UNC13C: variants seen among roughly 807,000 people sequenced by gnomAD.
UNC13C encodes the protein unc-13 homolog C, also known as protein unc-13 homolog C.
A neutral mutation model predicts 245.4 loss-of-function variants in UNC13C; 174 were observed. That is an observed-to-expected ratio of 0.71 (90% CI 0.63 to 0.80). The LOEUF (loss-of-function observed/expected upper bound fraction) is 0.80, where lower values mean the gene tolerates loss of function less well. UNC13C is among the 30% of genes least tolerant of loss of function. The pLI is 0.00. For synonymous variants in UNC13C, 992 were observed against 895.1 expected (o/e 1.11, Z -1.93); for missense variants, 2,829 against 2,602.9 (o/e 1.09, Z -1.89).
intron 30 of UNC13C, among the ~76,000 whole-genome samples, chr15:54,597,326 G>A (rs571107884): frequency 1.0e-3 from 156 of 152,272 alleles, no homozygotes; most frequent in African/African-American, 3.2e-3. Flanking sequence ...CAATAGCAGC[G>A]TGCCAGCGAA....
At chr15:54,620,976 T>C (rs10518774) in intron 30 of UNC13C, among the ~76,000 whole-genome samples, 74,527 of 151,816 alleles carry the variant, frequency 0.49, 18,492 homozygotes, top group East Asian at 0.62. Context: ...GGGGTCATTG[T>C]CTATTTCGTT....
In UNC13C at chr15:54,393,956, G is replaced by A. The variant is rs79398471; in HGVS notation, c.4847+775G>A. On this transcript the variant is annotated intron_variant, in intron 18 of 32. Transcript: ENST00000260323. ...TCAGACTTCCAGCTAGGCACTTGCA[G>A]TCTGGTTAATGAAGAGGATTGTCTT... Among the ~76,000 whole-genome samples, 647 of 152,014 alleles carry A rather than the reference G, an allele frequency of 4.3e-3. 30 individuals carry two copies. The East Asian group carries it at 0.09, about 21-fold the overall frequency.
At chr15:54,134,168 T>G (rs2031597591) in intron 2 of UNC13C, among the ~76,000 whole-genome samples, 1 of 151,948 alleles carries the variant, frequency 6.6e-6, no homozygotes, top group African/African-American at 2.4e-5. Flanking sequence ...ATCCCCAGAA[T>G]TTATTCATCT....
chr15:54,049,174 T>A lies in UNC13C; in HGVS notation c.2983+33288T>A, dbSNP rs1025767501. On this transcript the variant is annotated intron_variant, in intron 2 of 32. Transcript: ENST00000260323. ...TTTCCATCATCTAATAGTTTTCCAGTTGATACCTTGAAGAAAAAGATTATT... is the reference window on the plus strand; with the variant it reads ...TTTCCATCATCTAATAGTTTTCCAGATGATACCTTGAAGAAAAAGATTATT... 6.8e-6 allele frequency: 3 copies of A among 439,378 alleles called. No homozygotes were observed. The East Asian group carries it at 1.7e-4, about 26-fold the overall frequency. The allele number at this position is 439,378 out of a possible 1,614,324, so 27.2% of individuals were successfully genotyped here.
intron 2 of UNC13C, among the ~76,000 whole-genome samples, chr15:54,141,012 G>A (rs1390661300): frequency 6.6e-6 from 1 of 152,114 alleles, no homozygotes; most frequent in Non-Finnish European, 1.5e-5. Context: ...AGTAATTGAT[G>A]ACCTTGTTAA....
chr15:53,982,468 C>G (rs1217661870), intron 1 of UNC13C, among the ~76,000 whole-genome samples: 3 of 152,040 alleles, frequency 2.0e-5, no homozygotes, highest in African/African-American at 7.2e-5. Flanking sequence ...TAGGCACATT[C>G]CCTGAAGCAC....
rs1042813994 is a variant in UNC13C, at chr15:54,014,961, A to G, written c.2058A>G (p.Gln686=). Residue 686 remains glutamine, a synonymous_variant, in exon 2 of 33, where the codon CAA becomes CAG. Coordinates refer to ENST00000260323, the MANE Select transcript of UNC13C (RefSeq NM_001080534.3). The stretch of plus-strand genomic sequence containing the variant: ...ATGAAACAAACAGTCTTTTTGACCA[A>G]CAGCTTGATGTTTACAATAAAGACC... ...FDYETNSLFD[Q]QLDVYNKDLE... 3 of 1,613,722 alleles carry G rather than the reference A, an allele frequency of 1.9e-6. No homozygotes were observed. In the African/African-American group the frequency reaches 4.0e-5, roughly 22 times the overall value.
chr15:54,000,173 A>C (rs1399899685), intron 1 of UNC13C, among the ~76,000 whole-genome samples: 1 of 152,114 alleles, frequency 6.6e-6, no homozygotes, highest in Non-Finnish European at 1.5e-5. Context: ...AGTCTTAAAG[A>C]ATGATTCAAA....
At chr15:54,619,309 C>A (rs1900650252) in intron 30 of UNC13C, among the ~76,000 whole-genome samples, 1 of 152,168 alleles carries the variant, frequency 6.6e-6, no homozygotes, top group African/African-American at 2.4e-5. Flanking sequence ...GCAGTGTCAA[C>A]AATCCAAGGG....
intron 2 of UNC13C, among the ~76,000 whole-genome samples, chr15:54,019,048 C>G (rs543812485): frequency 1.3e-5 from 2 of 152,274 alleles, no homozygotes; most frequent in African/African-American, 4.8e-5. Context: ...CTCAGAATTA[C>G]TATATATTAG....
chr15:54,187,328 C>T (rs1282907556), intron 4 of UNC13C, among the ~76,000 whole-genome samples: 1 of 152,062 alleles, frequency 6.6e-6, no homozygotes, highest in Non-Finnish European at 1.5e-5. Flanking sequence ...CATACCATAG[C>T]CAGAGTGGGC....
chr15:54,495,609 G>A (rs2141090041), intron 20 of UNC13C, among the ~76,000 whole-genome samples: 1 of 152,012 alleles, frequency 6.6e-6, no homozygotes. Flanking sequence ...AAGAATATAT[G>A]AGCTATCATC....
chr15:54,109,511 T>C (rs1391014115), intron 2 of UNC13C, among the ~76,000 whole-genome samples: 1 of 151,494 alleles, frequency 6.6e-6, no homozygotes, highest in Non-Finnish European at 1.5e-5. Context: ...CCAGCTAATT[T>C]TTGTATTTTT....
At chr15:54,621,124 G>A (rs562698153) in intron 30 of UNC13C, among the ~76,000 whole-genome samples, 1 of 152,240 alleles carries the variant, frequency 6.6e-6, no homozygotes, top group African/African-American at 2.4e-5. Flanking sequence ...TCTCTTGAAA[G>A]GTTTTGGCCC....
Position 54,301,448 on chromosome 15 carries a change from G to A in UNC13C, c.4268+1075G>A, listed in dbSNP as rs148007787. 1.1e-3 allele frequency among the ~76,000 whole-genome samples: 169 copies of A among 151,840 alleles called. 1 individual carries two copies. Among genetic ancestry groups the A allele is most frequent in the African/African-American group, 3.6e-3 (150 of 41,430 alleles). On this transcript the variant is annotated intron_variant, in intron 13 of 32. Transcript: ENST00000260323. Reference sequence around the variant, plus strand: ...TGCTATCCCTCCCTTAGCCGTCTACGCCCCAACAGGCCCCGGTGTGTGATG... The same window carrying A: ...TGCTATCCCTCCCTTAGCCGTCTACACCCCAACAGGCCCCGGTGTGTGATG...
rs918797772 is a variant in UNC13C at position 54,405,797 on chromosome 15, A to G, written c.4848-9185A>G. 5.3e-5 allele frequency among the ~76,000 whole-genome samples: 8 copies of G among 152,080 alleles called. No individual in the cohort carries two copies. In the East Asian group the frequency reaches 1.4e-3, roughly 26 times the overall value. ...TGTTCATTTTTTCTCCCCTATTTCCACAAGGCAGAAAATAATAAAGAATTG... is the reference window on the plus strand; with the variant it reads ...TGTTCATTTTTTCTCCCCTATTTCCGCAAGGCAGAAAATAATAAAGAATTG... On this transcript the variant is annotated intron_variant, in intron 18 of 32. Transcript: ENST00000260323.
intron 2 of UNC13C, among the ~76,000 whole-genome samples, chr15:54,095,256 T>C (rs1217997879): frequency 6.6e-6 from 1 of 152,160 alleles, no homozygotes; most frequent in Non-Finnish European, 1.5e-5. Flanking sequence ...TCTGTATCAG[T>C]CCATTTCATG....
At chr15:54,142,455 T>C (rs140104770) in intron 2 of UNC13C, among the ~76,000 whole-genome samples, 1 of 152,324 alleles carries the variant, frequency 6.6e-6, no homozygotes, top group Non-Finnish European at 1.5e-5. Flanking sequence ...TTTTCTTATG[T>C]GTAAGATGGA....
intron 26 of UNC13C, among the ~76,000 whole-genome samples, chr15:54,543,079 G>A (rs547349358): frequency 6.6e-6 from 1 of 152,252 alleles, no homozygotes; most frequent in South Asian, 2.1e-4. Flanking sequence ...AGTTGATGCA[G>A]TTTCTTCATA....
Sources: allele counts gnomAD v4.1 joint callset (sites outside exome capture counted in the v4.1 genomes callset), GRCh38; gene constraint gnomAD v4.1.1; transcripts MANE v1.5; gene names NCBI Gene and HGNC (gene_info 2026-07-23, HGNC 2026-07-21).